The following VWC2 variants were observed in gnomAD, a reference collection of about 807,000 sequenced individuals.
The protein encoded by VWC2 is von Willebrand factor C domain containing 2.
Under a neutral mutation model 29.8 loss-of-function variants are expected in VWC2, and 14 were observed. The observed-to-expected ratio is 0.47, with a 90% confidence interval of 0.31 to 0.74. The LOEUF (loss-of-function observed/expected upper bound fraction) is 0.74, where lower values mean the gene tolerates loss of function less well. VWC2 is among the 30% of genes least tolerant of loss of function. VWC2 has a pLI of 0.05. For missense variants in VWC2, 457 were observed against 459.8 expected, an observed-to-expected ratio of 0.99 and a Z score of 0.05; for synonymous variants, 213 against 199.0, an observed-to-expected ratio of 1.07 and a Z score of -0.59.
In VWC2 at chr7:49,917,938, C is replaced by A. The variant is rs1332242680; in HGVS notation, c.*5753C>A. 6.6e-6 allele frequency: 1 copy of A among 151,920 alleles called. No individual in the cohort carries two copies. The highest frequency in any genetic ancestry group is 2.4e-5 in the African/African-American group (1 of 41,358). 9.4% of individuals were successfully genotyped at this position (151,920 alleles called of 1,614,324 possible). A position where few individuals can be genotyped will look rare whatever the true frequency, so the allele number is the denominator to read the frequency against. On this transcript the variant is annotated 3_prime_UTR_variant, in exon 4 of 4. Transcript: ENST00000340652. ...TTTCTATTAGTTTTCAGGGTTTATT[C>A]TTTTCCTAAGCATATAATTCTTATA...
chr7:49,851,191 T>A (rs898410973), intron 3 of VWC2, among the ~76,000 whole-genome samples: 10 of 152,356 alleles, frequency 6.6e-5, no homozygotes, highest in Admixed American at 1.3e-4. Context: ...TGATGTGGTC[T>A]TCTTCTCTGT....
chr7:49,857,669 G>A (rs1368165375), intron 3 of VWC2, among the ~76,000 whole-genome samples: 1 of 151,992 alleles, frequency 6.6e-6, no homozygotes, highest in African/African-American at 2.4e-5. Context: ...TGAGGATATG[G>A]GGAAATTAGA....
chr7:49,877,481 A>AAAAATATACATATATATATATATAT lies in VWC2; in HGVS notation c.827-34552_827-34551insAAATATACATATATATATATATATA. Among the ~76,000 whole-genome samples the AAAAATATACATATATATATATATAT allele has an allele frequency of 1.5e-3, 19 of 12,728 alleles. 5 individuals are homozygous for AAAAATATACATATATATATATATAT. Among genetic ancestry groups the AAAAATATACATATATATATATATAT allele is most frequent in the East Asian group, 0.011 (2 of 180 alleles). The allele number at this position is 12,728 out of a possible 152,430, so 8.4% of individuals were successfully genotyped here. On this transcript the variant is annotated intron_variant, in intron 3 of 3. Transcript: ENST00000340652. ...CTGTCTCAAAAAAAAAAAAAAAAAA[A>AAAAATATACATATATATATATATAT]ATATATATATATATATATATATATA...
chr7:49,784,171 G>A (rs111694801), intron 2 of VWC2, among the ~76,000 whole-genome samples: 3,693 of 152,294 alleles, frequency 0.024, 118 homozygotes, highest in African/African-American at 0.068. Context: ...GATACACTGC[G>A]TAGTGGTGAA....
chr7:49,776,334 G>A (rs1788053916), intron 2 of VWC2, among the ~76,000 whole-genome samples: 1 of 152,214 alleles, frequency 6.6e-6, no homozygotes, highest in South Asian at 2.1e-4. Context: ...AATCCATAGG[G>A]ATTCCTTCGG....
At chr7:49,900,599 T>C (rs927574815) in intron 3 of VWC2, among the ~76,000 whole-genome samples, 1 of 151,648 alleles carries the variant, frequency 6.6e-6, no homozygotes, top group African/African-American at 2.4e-5. Flanking sequence ...CTGACAAAGC[T>C]CACACAAAAT....
In VWC2 at chr7:49,862,424, G is replaced by A. The variant is rs143588393; in HGVS notation, c.827-49610G>A. Among the ~76,000 whole-genome samples the A allele has an allele frequency of 5.6e-3, 858 of 152,242 alleles. 7 individuals carry two copies. Among genetic ancestry groups the A allele is most frequent in the African/African-American group, 0.019 (800 of 41,556 alleles). On this transcript the variant is annotated intron_variant, in intron 3 of 3. Transcript: ENST00000340652. ...ATCATACTAACCGTGAATAGAGATA[G>A]TTTTATTTCTTCCTTTCCAATTTGG...
intron 2 of VWC2, among the ~76,000 whole-genome samples, chr7:49,790,512 G>C (rs1293499722): frequency 6.6e-6 from 1 of 152,210 alleles, no homozygotes; most frequent in Non-Finnish European, 1.5e-5. Flanking sequence ...TCTGTCCTTA[G>C]TTTCTGTTGC....
chr7:49,836,955 A>T (rs1789680040), intron 3 of VWC2, among the ~76,000 whole-genome samples: 1 of 152,354 alleles, frequency 6.6e-6, no homozygotes, highest in East Asian at 1.9e-4. Context: ...GTCAAAAATC[A>T]TGAGAATGTG....
chr7:49,798,734 G>A (rs560695621), intron 2 of VWC2, among the ~76,000 whole-genome samples: 2 of 152,214 alleles, frequency 1.3e-5, no homozygotes, highest in Non-Finnish European at 2.9e-5. Flanking sequence ...CCCTGATGTA[G>A]TGAGGCTGCA....
intron 3 of VWC2, among the ~76,000 whole-genome samples, chr7:49,851,126 G>A (rs921354318): frequency 5.3e-5 from 8 of 152,126 alleles, no homozygotes; most frequent in Non-Finnish European, 7.4e-5. Context: ...GTGGCTGCCC[G>A]CCACCCTGGG....
At chr7:49,888,138 G>C in intron 3 of VWC2, among the ~76,000 whole-genome samples, 1 of 152,168 alleles carries the variant, frequency 6.6e-6, no homozygotes, top group East Asian at 1.9e-4. Context: ...AATTGGCCTT[G>C]GTGGAAGTAG....
intron 3 of VWC2, among the ~76,000 whole-genome samples, chr7:49,844,159 A>G (rs1186435197): frequency 6.6e-6 from 1 of 152,204 alleles, no homozygotes; most frequent in Non-Finnish European, 1.5e-5. Context: ...CAACGTGGAA[A>G]GGTCTGCTCA....
At chr7:49,894,495 G>T (rs1792284259) in intron 3 of VWC2, among the ~76,000 whole-genome samples, 2 of 152,228 alleles carry the variant, frequency 1.3e-5, no homozygotes, top group Admixed American at 1.3e-4. Flanking sequence ...CCAAAACATA[G>T]TGGCAATTTA....
At chr7:49,880,109 C>A (rs1791603535) in intron 3 of VWC2, among the ~76,000 whole-genome samples, 1 of 152,146 alleles carries the variant, frequency 6.6e-6, no homozygotes, top group Non-Finnish European at 1.5e-5. Context: ...TAGATTTTGA[C>A]AAAGTGTTTT....
chr7:49,841,084 AT>A (rs997824187), intron 3 of VWC2, among the ~76,000 whole-genome samples: 44 of 152,274 alleles, frequency 2.9e-4, no homozygotes, highest in Admixed American at 7.8e-4. Flanking sequence ...GTGGACTGGA[AT>A]TTTTTTCTGT....
chr7:49,792,086 A>G (rs1410269011), intron 2 of VWC2, among the ~76,000 whole-genome samples: 8 of 152,198 alleles, frequency 5.3e-5, no homozygotes, highest in African/African-American at 1.9e-4. Context: ...CATGACTACT[A>G]GCACATTTGG....
intron 2 of VWC2, among the ~76,000 whole-genome samples, chr7:49,801,928 ACCCCTTT>A (rs1295741291): frequency 6.6e-6 from 1 of 151,758 alleles, no homozygotes; most frequent in East Asian, 1.9e-4. Context: ...CTCCTCCTTC[ACCCCTTT>A]CCCCTTTCCT....
intron 3 of VWC2, among the ~76,000 whole-genome samples, chr7:49,815,572 T>C (rs1314707200): frequency 6.6e-6 from 1 of 152,236 alleles, no homozygotes; most frequent in Non-Finnish European, 1.5e-5. Flanking sequence ...TGGTAATTTT[T>C]CCACAATGTA....
Sources: allele counts gnomAD v4.1 joint callset (sites outside exome capture counted in the v4.1 genomes callset), GRCh38; gene constraint gnomAD v4.1.1; transcripts MANE v1.5; gene names NCBI Gene and HGNC (gene_info 2026-07-23, HGNC 2026-07-21).